FAM117B: variants seen among roughly 807,000 people sequenced by gnomAD.
The protein encoded by FAM117B is protein FAM117B.
Under a neutral mutation model 52.8 loss-of-function variants are expected in FAM117B, and 22 were observed. That is an observed-to-expected ratio of 0.42 (90% CI 0.30 to 0.59). The LOEUF is 0.59. Among genes scored for constraint, FAM117B ranks in the 20% least tolerant of loss-of-function variants. The pLI, the probability that FAM117B is intolerant of heterozygous loss-of-function variation, is 0.22. For synonymous variants in FAM117B, 309 were observed against 324.1 expected (o/e 0.95, Z 0.50); for missense variants, 678 against 802.6 (o/e 0.84, Z 1.88).
chr2:202,728,407 A>C (rs1321220594), intron 4 of FAM117B, among the ~76,000 whole-genome samples: 2 of 152,232 alleles, frequency 1.3e-5, no homozygotes, highest in Non-Finnish European at 2.9e-5. Context: ...TTATTTCTGG[A>C]GAAATAGAAA....
intron 1 of FAM117B, among the ~76,000 whole-genome samples, chr2:202,637,297 G>C (rs1459145969): frequency 2.0e-5 from 3 of 152,036 alleles, no homozygotes; most frequent in Non-Finnish European, 4.4e-5. Flanking sequence ...TTGCTCAGCT[G>C]CCCAGGCTGG....
chr2:202,703,941 A>G (rs1345581619), intron 2 of FAM117B, among the ~76,000 whole-genome samples: 2 of 152,242 alleles, frequency 1.3e-5, no homozygotes, highest in South Asian at 2.1e-4. Context: ...GTATGAAGGT[A>G]TATAATTCCA....
intron 3 of FAM117B, 133 bp from the exon 4 acceptor site, chr2:202,726,113 AAATG>A: frequency 8.3e-6 from 5 of 605,804 alleles, no homozygotes; most frequent in Non-Finnish European, 1.5e-5. Context: ...TATGAACAAA[AAATG>A]AGACTTTGTG....
At chr2:202,641,977 C>G (rs1296115804) in intron 1 of FAM117B, among the ~76,000 whole-genome samples, 1 of 148,084 alleles carries the variant, frequency 6.8e-6, no homozygotes, top group Admixed American at 6.8e-5. Flanking sequence ...GAGTCTTACT[C>G]TGTCGCCCAG....
intron 1 of FAM117B, among the ~76,000 whole-genome samples, chr2:202,660,482 G>T (rs376228451): frequency 6.6e-6 from 1 of 151,888 alleles, no homozygotes; most frequent in Non-Finnish European, 1.5e-5. Flanking sequence ...AGTGGTGGTC[G>T]GTATCTATAT....
intron 2 of FAM117B, among the ~76,000 whole-genome samples, chr2:202,706,809 C>T (rs1403793690): frequency 1.3e-5 from 2 of 152,124 alleles, no homozygotes; most frequent in Non-Finnish European, 2.9e-5. Flanking sequence ...GAAAGTGTAA[C>T]ATTAGGAGTA....
intron 4 of FAM117B, among the ~76,000 whole-genome samples, chr2:202,733,898 TAA>T (rs1236449577): frequency 2.6e-5 from 4 of 152,224 alleles, no homozygotes; most frequent in Non-Finnish European, 5.9e-5. Flanking sequence ...TAAGAAATTA[TAA>T]GAGTATTATT....
intron 4 of FAM117B, among the ~76,000 whole-genome samples, chr2:202,740,405 C>T (rs1691514794): frequency 6.9e-6 from 1 of 145,580 alleles, no homozygotes; most frequent in African/African-American, 2.5e-5. Flanking sequence ...TCATGACTAA[C>T]ACTTCAGTAA....
At chr2:202,655,298 G>T (rs1206510745) in intron 1 of FAM117B, among the ~76,000 whole-genome samples, 1 of 152,106 alleles carries the variant, frequency 6.6e-6, no homozygotes, top group Non-Finnish European at 1.5e-5. Flanking sequence ...GGAGTTTGTA[G>T]TTTTGGGTGA....
At chr2:202,759,790 T>G (rs1460854552) in intron 7 of FAM117B, among the ~76,000 whole-genome samples, 1 of 152,020 alleles carries the variant, frequency 6.6e-6, no homozygotes, top group African/African-American at 2.4e-5. Flanking sequence ...ATCTCCTGAC[T>G]TCGTGATCCA....
intron 1 of FAM117B, among the ~76,000 whole-genome samples, chr2:202,662,119 G>GGTGTGTGTGTGTGTGTGTGTAT (rs1340954124): frequency 2.0e-5 from 3 of 149,580 alleles, no homozygotes; most frequent in African/African-American, 4.9e-5. Flanking sequence ...ATGTGAGGTA[G>GGTGTGTGTGTGTGTGTGTGTAT]GTGTGTGTGT....
intron 4 of FAM117B, among the ~76,000 whole-genome samples, chr2:202,739,879 T>C (rs934923765): frequency 1.3e-5 from 2 of 151,910 alleles, no homozygotes; most frequent in African/African-American, 4.8e-5. Context: ...AAATTTAAAA[T>C]TAAGTATTTA....
intron 2 of FAM117B, among the ~76,000 whole-genome samples, chr2:202,724,567 C>T (rs1043007512): frequency 1.7e-4 from 26 of 151,996 alleles, no homozygotes; most frequent in African/African-American, 4.8e-5. Flanking sequence ...GTGCCTGGTG[C>T]GTGCTAATAA....
intron 1 of FAM117B, among the ~76,000 whole-genome samples, chr2:202,646,147 C>A (rs886604567): frequency 6.6e-6 from 1 of 151,930 alleles, no homozygotes; most frequent in African/African-American, 2.4e-5. Context: ...CCACCTCAGC[C>A]CCCTGAGTAG....
intron 1 of FAM117B, among the ~76,000 whole-genome samples, chr2:202,644,064 G>GTTTTTTTTTTTTTTTTTTTTTTTT (rs1161026426): frequency 1.4e-4 from 13 of 95,164 alleles, no homozygotes; most frequent in African/African-American, 3.1e-4. Context: ...TTTTTTTTTT[G>GTTTTTTTTTTTTTTTTTTTTTTTT]TTTTTTTTTT....
At chr2:202,724,648 G>A (rs1691209990) in intron 2 of FAM117B, among the ~76,000 whole-genome samples, 1 of 151,986 alleles carries the variant, frequency 6.6e-6, no homozygotes, top group African/African-American at 2.4e-5. Context: ...AGTTAACTTT[G>A]TTCCATAAAT....
At chr2:202,659,928 C>A (rs952282329) in intron 1 of FAM117B, among the ~76,000 whole-genome samples, 1 of 151,896 alleles carries the variant, frequency 6.6e-6, no homozygotes, top group Non-Finnish European at 1.5e-5. Flanking sequence ...CACCACCGTG[C>A]TCATTTTTTC....
At chr2:202,700,685 ATTT>A (rs747907499) in intron 2 of FAM117B, among the ~76,000 whole-genome samples, 2 of 138,104 alleles carry the variant, frequency 1.4e-5, no homozygotes, top group Non-Finnish European at 1.6e-5. Context: ...CTAAACAAGA[ATTT>A]TTTTTTTTTT....
intron 4 of FAM117B, among the ~76,000 whole-genome samples, chr2:202,747,369 G>A (rs139956380): frequency 8.0e-4 from 121 of 152,178 alleles, no homozygotes; most frequent in Non-Finnish European, 1.4e-3. Context: ...ACTGAAACAC[G>A]ACAAGGGTGC....
Sources: allele counts gnomAD v4.1 joint callset (sites outside exome capture counted in the v4.1 genomes callset), GRCh38; gene constraint gnomAD v4.1.1; transcripts MANE v1.5; gene names NCBI Gene and HGNC (gene_info 2026-07-23, HGNC 2026-07-21).